CFAP36: variants seen among roughly 807,000 people sequenced by gnomAD.
CFAP36 encodes the protein cilia and flagella associated protein 36, also known as cilia- and flagella-associated protein 36.
Under a neutral mutation model 50.5 loss-of-function variants are expected in CFAP36, and 37 were observed. The ratio of observed to expected loss-of-function variants is 0.73; its 90% CI spans 0.56 to 0.96. The LOEUF is 0.96. Ranked by LOEUF, CFAP36 falls within the 50% of genes least tolerant of loss-of-function variation. The pLI, the probability that CFAP36 is intolerant of heterozygous loss-of-function variation, is 0.00. For synonymous variants in CFAP36, 138 were observed against 128.2 expected, an observed-to-expected ratio of 1.08 and a Z score of -0.52; for missense variants, 407 against 396.2, an observed-to-expected ratio of 1.03 and a Z score of -0.23.
intron 9 of CFAP36, 134 bp downstream of exon 9, chr2:55,544,503 C>A: frequency 1.3e-6 from 1 of 766,320 alleles, no homozygotes; most frequent in Non-Finnish European, 2.0e-6. Flanking sequence ...AGTGCAGTAG[C>A]TGCTAAGTCT....
chr2:55,526,882 G>A (rs1684220754), intron 3 of CFAP36, among the ~76,000 whole-genome samples: 1 of 152,148 alleles, frequency 6.6e-6, no homozygotes, highest in African/African-American at 2.4e-5. Flanking sequence ...ACAAGAATTA[G>A]CTGGGCATGG....
chr2:55,537,358 G>C, intron 6 of CFAP36, 125 bp from the exon 7 acceptor site: 1 of 623,452 alleles, frequency 1.6e-6, no homozygotes, highest in Admixed American at 3.3e-5. Flanking sequence ...GTGACAGAGT[G>C]AGACTCTGTC....
At chr2:55,530,735 G>A (rs918398940) in intron 4 of CFAP36, among the ~76,000 whole-genome samples, 9 of 152,162 alleles carry the variant, frequency 5.9e-5, no homozygotes, top group African/African-American at 2.2e-4. Flanking sequence ...ATTTCTTGCT[G>A]TGGTAACCTC....
At chr2:55,532,608 C>G (rs944518375) in intron 4 of CFAP36, among the ~76,000 whole-genome samples, 1 of 152,178 alleles carries the variant, frequency 6.6e-6, no homozygotes, top group Non-Finnish European at 1.5e-5. Context: ...TAAGATGTTA[C>G]CACTTGGGGA....
At chr2:55,544,420 T>A (rs751084654) in intron 9 of CFAP36, 51 bp downstream of exon 9, 33 of 1,549,894 alleles carry the variant, frequency 2.1e-5, no homozygotes, top group Non-Finnish European at 2.8e-5. Context: ...GGTGGAACTA[T>A]CAAAATCAGA....
At chr2:55,529,996 T>C (rs1684313511) in intron 4 of CFAP36, among the ~76,000 whole-genome samples, 1 of 152,150 alleles carries the variant, frequency 6.6e-6, no homozygotes, top group African/African-American at 2.4e-5. Context: ...CCTCCCAGTT[T>C]CTGATTTAAT....
chr2:55,524,554 C>T (rs1684152124), intron 3 of CFAP36, among the ~76,000 whole-genome samples: 1 of 151,672 alleles, frequency 6.6e-6, no homozygotes, highest in Admixed American at 6.6e-5. Context: ...GCATGAGCCA[C>T]CACGCCCAGC....
chr2:55,536,991 C>T (rs1684506225), intron 6 of CFAP36, among the ~76,000 whole-genome samples: 1 of 152,164 alleles, frequency 6.6e-6, no homozygotes, highest in East Asian at 1.9e-4. Flanking sequence ...GATCTGCTGG[C>T]CTTGGCCTCC....
intron 7 of CFAP36, among the ~76,000 whole-genome samples, chr2:55,538,211 C>CA (rs2103662481): frequency 6.6e-6 from 1 of 151,580 alleles, no homozygotes; most frequent in Admixed American, 6.6e-5. Context: ...TTATGGATTC[C>CA]TATGGTTTTA....
intron 6 of CFAP36, among the ~76,000 whole-genome samples, chr2:55,536,267 G>C (rs1285148038): frequency 1.3e-5 from 2 of 151,476 alleles, no homozygotes; most frequent in Admixed American, 1.3e-4. Flanking sequence ...AGAGTAGCTG[G>C]GATTACAAGC....
intron 4 of CFAP36, among the ~76,000 whole-genome samples, chr2:55,531,890 A>T (rs1558910779): frequency 6.6e-6 from 1 of 152,224 alleles, no homozygotes; most frequent in African/African-American, 2.4e-5. Context: ...ATTCTGCAAA[A>T]GCTGGCTTCT....
At chr2:55,529,647 C>CTTTT (rs762612056) in intron 4 of CFAP36, among the ~76,000 whole-genome samples, 4 of 126,518 alleles carry the variant, frequency 3.2e-5, no homozygotes, top group African/African-American at 5.9e-5. Context: ...AGCAGTGGTT[C>CTTTT]TTTTTTTTTT....
intron 3 of CFAP36, among the ~76,000 whole-genome samples, chr2:55,527,703 A>ATGT (rs1301929633): frequency 2.0e-5 from 3 of 152,202 alleles, no homozygotes; most frequent in Non-Finnish European, 4.4e-5. Flanking sequence ...ATCACACAGA[A>ATGT]TGTTCGTCAA....
At chr2:55,531,593 A>T (rs552021357) in intron 4 of CFAP36, among the ~76,000 whole-genome samples, 4 of 152,350 alleles carry the variant, frequency 2.6e-5, no homozygotes, top group Admixed American at 2.6e-4. Context: ...CATTCTCAGA[A>T]TCTTCTCTCA....
chr2:55,523,083 G>A (rs1337113776), intron 2 of CFAP36, among the ~76,000 whole-genome samples: 2 of 136,116 alleles, frequency 1.5e-5, no homozygotes, highest in African/African-American at 2.7e-5. Context: ...GGACAACAGA[G>A]TAAGACTCTG....
Position 55,519,884 on chromosome 2 carries a change from C to G in CFAP36, c.83C>G (p.Pro28Arg). ...CTGCGAGGCCCAGACTGGTCCATCC[C>G]CATCTTGGACTTTGTGGAACAGAAA... The part of the protein sequence containing the change: ...GFLRGPDWSI[P>R]ILDFVEQKCE... The change falls in exon 1 of 10, where the codon CCC (proline) becomes CGC (arginine). Residue 28 changes from proline to arginine, a missense_variant. Transcript: ENST00000349456. 6.2e-7 allele frequency: 1 copy of G among 1,614,202 alleles called. No homozygotes were observed. The highest frequency in any genetic ancestry group is 8.5e-7 in the Non-Finnish European group (1 of 1,180,026).
In CFAP36 at chr2:55,544,283, G is replaced by T. The variant is rs921449888; in HGVS notation, c.841G>T (p.Asp281Tyr). 2.7e-5 allele frequency: 43 copies of T among 1,613,804 alleles called. No individual in the cohort carries two copies. Among genetic ancestry groups the T allele is most frequent in the Non-Finnish European group, 3.6e-5 (43 of 1,179,926 alleles). Reference protein sequence around the residue: ...QREHYLKQKRDKLMSMRKDMR... With the variant: ...QREHYLKQKRYKLMSMRKDMR... ...AGAACACTATCTCAAGCAGAAGAGA[G>T]ATAAGTTGATGTCCATGAGAAAGGA... Residue 281 changes from aspartate (D) to tyrosine (Y), a missense_variant, in exon 9 of 10, where the codon GAT (aspartate) becomes TAT (tyrosine). By Grantham distance (160) the Asp-to-Tyr change is radical. Coordinates refer to ENST00000349456, the MANE Select transcript of CFAP36 (RefSeq NM_080667.7).
chr2:55,535,359 GT>G (rs1216445714), intron 5 of CFAP36, among the ~76,000 whole-genome samples: 1 of 152,184 alleles, frequency 6.6e-6, no homozygotes, highest in Non-Finnish European at 1.5e-5. Flanking sequence ...CAAGAGGGGT[GT>G]AATTGATCAC....
chr2:55,533,777 T>C, intron 4 of CFAP36, 96 bp from the exon 5 acceptor site: 1 of 558,324 alleles, frequency 1.8e-6, no homozygotes, highest in Non-Finnish European at 3.2e-6. Flanking sequence ...CAGTGATAGA[T>C]CTGAAGGTAA....
Sources: allele counts gnomAD v4.1 joint callset (sites outside exome capture counted in the v4.1 genomes callset), GRCh38; gene constraint gnomAD v4.1.1; transcripts MANE v1.5; gene names NCBI Gene and HGNC (gene_info 2026-07-23, HGNC 2026-07-21).